MEGF8: variants seen among roughly 807,000 people sequenced by gnomAD.
MEGF8 encodes the protein multiple epidermal growth factor-like domains protein 8.
A neutral mutation model predicts 302.9 loss-of-function variants in MEGF8; 156 were observed. That is an observed-to-expected ratio of 0.52 (90% confidence interval 0.45 to 0.59). MEGF8 has a LOEUF of 0.59. Ranked by LOEUF, MEGF8 falls within the 20% of genes least tolerant of loss-of-function variation. The pLI, the probability that MEGF8 is intolerant of heterozygous loss-of-function variation, is 0.00. For missense variants in MEGF8, 3,345 were observed against 3,964.5 expected (o/e 0.84, Z 4.20); for synonymous variants, 1,621 against 1,660.5 (o/e 0.98, Z 0.58).
chr19:42,332,534 A>G (rs542767093), intron 1 of MEGF8, among the ~76,000 whole-genome samples: 35 of 152,008 alleles, frequency 2.3e-4, no homozygotes, highest in Admixed American at 2.2e-3. Flanking sequence ...TGCCCAGCTA[A>G]TTTTTGTATT....
intron 14 of MEGF8, 131 bp downstream of exon 14, chr19:42,349,830 C>T (rs1426240407): frequency 5.3e-6 from 5 of 950,462 alleles, no homozygotes; most frequent in Non-Finnish European, 7.9e-6. Flanking sequence ...CTCTTGGCCT[C>T]TGAACTCTGG....
chr19:42,375,911 G>C lies in MEGF8; in HGVS notation c.7674G>C (p.Pro2558=), dbSNP rs774279106. 8.1e-6 allele frequency: 13 copies of C among 1,598,800 alleles called. No individual in the cohort carries two copies. The highest frequency in any genetic ancestry group is 1.7e-5 in the Admixed American group (1 of 58,686). Reference sequence around the variant, plus strand: ...GAGGAGCAGGGGCCAGCAGTGGGCCGGGCGCCCCAGCAGAGCCACGGGTAC... The same window carrying C: ...GAGGAGCAGGGGCCAGCAGTGGGCCCGGCGCCCCAGCAGAGCCACGGGTAC... ...DPGGAGASSG[P]GAPAEPRVRE... Residue 2558 remains proline, a synonymous_variant, in exon 42 of 42, where the codon CCG becomes CCC. Coordinates refer to ENST00000251268, the MANE Select transcript of MEGF8 (RefSeq NM_001271938.2). This position sits in a 1 kb window ranked among gnomAD's most constrained non-coding sequence, Gnocchi z 7.1.
Position 42,375,964 on chromosome 19 carries a change from C to G in MEGF8, c.7727C>G (p.Thr2576Ser). 6.2e-7 allele frequency: 1 copy of G among 1,607,018 alleles called. No homozygotes were observed. The highest frequency in any genetic ancestry group is 1.1e-5 in the South Asian group (1 of 90,618). Residue 2576 changes from threonine to serine, a missense_variant, in exon 42 of 42, where the codon ACC becomes AGC. Physicochemically the swap from Thr to Ser is moderately conservative, Grantham distance 58. Coordinates refer to ENST00000251268, the MANE Select transcript of MEGF8 (RefSeq NM_001271938.2). The surrounding 1 kb of genome is among the most constrained non-coding windows in gnomAD (Gnocchi z 7.1). ...GAGGTATGGCCGCGGGGCCTGATTA[C>G]CTACGTGACGGTGACGGAGCCGTCG... Reference protein sequence around the residue: ...VREVWPRGLITYVTVTEPSAV... With the variant: ...VREVWPRGLISYVTVTEPSAV...
Position 42,359,195 on chromosome 19 carries a change from T to C in MEGF8, c.5441T>C (p.Leu1814Pro), listed in dbSNP as rs761740209. Residue 1814 changes from leucine to proline, a missense_variant, in exon 31 of 42, where the codon CTG (leucine) becomes CCG (proline). Physicochemically the swap from Leu to Pro is moderately conservative, Grantham distance 98. Transcript: ENST00000251268. ...CCTGACGAGTTCAGCAGCGACGTTC[T>C]GCTCTACCAGGTCAACTGCAATGCC... Reference protein sequence around the residue: ...SDPDEFSSDVLLYQVNCNAWL... With the variant: ...SDPDEFSSDVPLYQVNCNAWL... The C allele has an allele frequency of 1.9e-6, 3 of 1,602,760 alleles. No homozygotes were observed. In the South Asian group the frequency reaches 3.3e-5, roughly 18 times the overall value.
At position 42,344,372 on chromosome 19, in the gene MEGF8, A is replaced by G; in HGVS notation, c.1789-69A>G. On this transcript the variant is annotated intron_variant, in intron 10 of 41. Transcript: ENST00000251268. This position sits in a 1 kb window ranked among gnomAD's most constrained non-coding sequence, Gnocchi z 4.5. Reference sequence around the variant, plus strand: ...CTTTCCATCGCAGGACCCTGTATCCACAGCCCTTCCTTCCCAGATCTCTTG... The same window carrying G: ...CTTTCCATCGCAGGACCCTGTATCCGCAGCCCTTCCTTCCCAGATCTCTTG... 3 of 1,512,602 alleles carry G rather than the reference A, an allele frequency of 2.0e-6. No individual in the cohort carries two copies. Among genetic ancestry groups the G allele is most frequent in the Non-Finnish European group, 2.6e-6 (3 of 1,136,208 alleles). The allele number at this position is 1,512,602 out of a possible 1,614,324, so 93.7% of individuals were successfully genotyped here. A position where few individuals can be genotyped will look rare whatever the true frequency, so the allele number is the denominator to read the frequency against.
chr19:42,333,854 G>A (rs1221821865), intron 2 of MEGF8, 86 bp downstream of exon 2: 3 of 1,563,618 alleles, frequency 1.9e-6, no homozygotes, highest in South Asian at 2.4e-5. Flanking sequence ...GGGCATCCAA[G>A]AGCAGAGCAC....
intron 1 of MEGF8, among the ~76,000 whole-genome samples, chr19:42,329,346 T>C (rs1245416573): frequency 6.6e-6 from 1 of 152,072 alleles, no homozygotes; most frequent in East Asian, 1.9e-4. Flanking sequence ...CAAGAGAGGA[T>C]GAGTTCCTAA....
Position 42,344,884 on chromosome 19 carries a change from G to A in MEGF8, c.2097+51G>A. Reference sequence around the variant, plus strand: ...GGGGTGTTGATGATCCTGATCCTAGGGTTTGTTTTTTCTCAAATGCATCTT... The same window carrying A: ...GGGGTGTTGATGATCCTGATCCTAGAGTTTGTTTTTTCTCAAATGCATCTT... On this transcript the variant is annotated intron_variant, in intron 12 of 41. Coordinates refer to ENST00000251268, the MANE Select transcript of MEGF8 (RefSeq NM_001271938.2). This position sits in a 1 kb window ranked among gnomAD's most constrained non-coding sequence, Gnocchi z 4.5. 9 of 1,457,852 alleles carry A rather than the reference G, an allele frequency of 6.2e-6. No homozygotes were observed. The highest frequency in any genetic ancestry group is 8.2e-6 in the Non-Finnish European group (9 of 1,098,028). 90.3% of individuals were successfully genotyped at this position (1,457,852 alleles called of 1,614,324 possible). A position where few individuals can be genotyped will look rare whatever the true frequency, so the allele number is the denominator to read the frequency against.
In MEGF8 at chr19:42,375,985, C is replaced by T. The variant is rs1453158410; in HGVS notation, c.7748C>T (p.Pro2583Leu). 9.3e-6 allele frequency: 15 copies of T among 1,606,944 alleles called. No individual in the cohort carries two copies. Among genetic ancestry groups the T allele is most frequent in the African/African-American group, 4.0e-5 (3 of 74,866 alleles). The change falls in exon 42 of 42, where the codon CCG becomes CTG. Residue 2583 changes from proline to leucine, a missense_variant. By Grantham distance (98) the Pro-to-Leu change is moderately conservative (BLOSUM62 -3). Coordinates refer to ENST00000251268, the MANE Select transcript of MEGF8 (RefSeq NM_001271938.2). The surrounding 1 kb of genome is among the most constrained non-coding windows in gnomAD (Gnocchi z 7.1). ...ATTACCTACGTGACGGTGACGGAGC[C>T]GTCGGCAGTGCTGGTGGTCCGCGGC... ...GLITYVTVTE[P>L]SAVLVVRGVR...
intron 5 of MEGF8, among the ~76,000 whole-genome samples, 152 bp from the exon 6 acceptor site, chr19:42,335,769 CTGTCTCTTCT>C (rs1346963076): frequency 6.6e-6 from 1 of 152,130 alleles, no homozygotes; most frequent in Non-Finnish European, 1.5e-5. Context: ...TTCTATGAGT[CTGTCTCTTCT>C]TTTCTCTCTC....
rs1378541832 is a variant in MEGF8, at chr19:42,351,461, C to T, written c.2888C>T (p.Ser963Phe). ...ACCTGTGAGGACTGCCTGGCCAACT[C>T]TAGCCAGTGCGCCTGGTGCCAGTCC... ...RLTCEDCLAN[S>F]SQCAWCQSTH... The change falls in exon 17 of 42, where the codon TCT becomes TTT. Residue 963 changes from serine (S) to phenylalanine (F), a missense_variant. By Grantham distance (155) the Ser-to-Phe change is radical. Transcript: ENST00000251268. This position sits in a 1 kb window ranked among gnomAD's most constrained non-coding sequence, Gnocchi z 5.6. 6.2e-7 allele frequency: 1 copy of T among 1,600,266 alleles called. No individual in the cohort carries two copies. The highest frequency in any genetic ancestry group is 1.7e-5 in the Admixed American group (1 of 58,052).
rs2039135383 is a variant in MEGF8 at position 42,336,858 on chromosome 19, G to A, written c.1296G>A (p.Val432=). 6.2e-7 allele frequency: 1 copy of A among 1,611,904 alleles called. No individual in the cohort carries two copies. The highest frequency in any genetic ancestry group is 2.2e-5 in the East Asian group (1 of 44,870). The change falls in exon 7 of 42, where the codon GTG becomes GTA. Residue 432 remains valine (V), a synonymous_variant. Coordinates refer to ENST00000251268, the MANE Select transcript of MEGF8 (RefSeq NM_001271938.2). This position sits in a 1 kb window ranked among gnomAD's most constrained non-coding sequence, Gnocchi z 4.8. ...AGCTTTTCCACGTGGATCGGCATGT[G>A]TGGACGACGCTGAAGGGGCGGGATG... is the stretch of plus-strand genomic sequence containing the variant. The part of the protein sequence containing the change: ...STELFHVDRH[V]WTTLKGRDGL...
chr19:42,344,723 C>A lies in MEGF8; in HGVS notation c.1987C>A (p.Pro663Thr), dbSNP rs1029699368. The A allele has an allele frequency of 2.5e-6, 4 of 1,610,554 alleles. No homozygotes were observed. The highest frequency in any genetic ancestry group is 8.5e-7 in the Non-Finnish European group (1 of 1,178,144). ...QISGTVGWWG[P>T]APVFVTSLEA... ...CTCAGGCACTGTGGGCTGGTGGGGGCCTGCGCCTGTCTTCGTCACGTCCCT... is the reference window on the plus strand; with the variant it reads ...CTCAGGCACTGTGGGCTGGTGGGGGACTGCGCCTGTCTTCGTCACGTCCCT... The change falls in exon 12 of 42, where the codon CCT becomes ACT. Residue 663 changes from proline to threonine, a missense_variant. By Grantham distance (38) the Pro-to-Thr change is conservative. Transcript: ENST00000251268. This position sits in a 1 kb window ranked among gnomAD's most constrained non-coding sequence, Gnocchi z 4.5.
At chr19:42,333,910 C>G (rs2039087442) in intron 2 of MEGF8, 97 bp from the exon 3 acceptor site, 5 of 1,518,204 alleles carry the variant, frequency 3.3e-6, no homozygotes, top group Non-Finnish European at 4.5e-6. Flanking sequence ...AGATGAGGCT[C>G]TGGGTCCCCC....
At position 42,353,557 on chromosome 19, in the gene MEGF8, G is replaced by A. The variant is rs149613080; in HGVS notation, c.3643G>A (p.Gly1215Arg). 7 of 1,604,468 alleles carry A rather than the reference G, an allele frequency of 4.4e-6. No homozygotes were observed. The highest frequency in any genetic ancestry group is 2.7e-5 in the African/African-American group (2 of 74,802). Reference protein sequence around the residue: ...SRGCRPCQCNGHGDPRRGHCD... With the variant: ...SRGCRPCQCNRHGDPRRGHCD... ...GGGCTGCCGGCCCTGCCAGTGCAAC[G>A]GGCACGGGGACCCACGCCGTGGCCA... is the stretch of plus-strand genomic sequence containing the variant. The change falls in exon 21 of 42, where the codon GGG becomes AGG. Residue 1215 changes from glycine (G) to arginine (R), a missense_variant. Transcript: ENST00000251268. This position sits in a 1 kb window ranked among gnomAD's most constrained non-coding sequence, Gnocchi z 6.1.
rs1345670243 is a variant in MEGF8, at chr19:42,377,670, C to T, written c.*895C>T. ...GGCATGGTGGCACACACTTGTAGTCCGAGCTACTCGGGAGGCTGAGGCAGA... is the reference window on the plus strand; with the variant it reads ...GGCATGGTGGCACACACTTGTAGTCTGAGCTACTCGGGAGGCTGAGGCAGA... On this transcript the variant is annotated 3_prime_UTR_variant, in exon 42 of 42. Transcript: ENST00000251268. 9 of 152,080 alleles carry T rather than the reference C, an allele frequency of 5.9e-5. No homozygotes were observed. The highest frequency in any genetic ancestry group is 1.3e-4 in the Admixed American group (2 of 15,242). The allele number at this position is 152,080 out of a possible 1,614,324, so 9.4% of individuals were successfully genotyped here.
At position 42,349,407 on chromosome 19, in the gene MEGF8, T is replaced by G. The variant is rs1287442904; in HGVS notation, c.2299-92T>G. The G allele has an allele frequency of 3.0e-5, 32 of 1,077,188 alleles. No homozygotes were observed. The African/African-American group carries it at 3.0e-4, about 10-fold the overall frequency. The allele number at this position is 1,077,188 out of a possible 1,614,324, so 66.7% of individuals were successfully genotyped here. On this transcript the variant is annotated intron_variant, in intron 13 of 41. Transcript: ENST00000251268. ...CTGAGGCCCTCTTCTTAGGAGGGGG[T>G]GGGGTACAGGGTGGGTTTGGAGGTA...
chr19:42,376,423 A>T lies in MEGF8; in HGVS notation c.8186A>T (p.Glu2729Val). 6.2e-7 allele frequency: 1 copy of T among 1,612,296 alleles called. No homozygotes were observed. Among genetic ancestry groups the T allele is most frequent in the Middle Eastern group, 1.7e-4 (1 of 6,060 alleles). Residue 2729 changes from glutamate (E) to valine (V), a missense_variant, in exon 42 of 42, where the codon GAG (glutamate) becomes GTG (valine). Glu to Val is a moderately radical substitution (Grantham distance 121). Transcript: ENST00000251268. The surrounding 1 kb of genome is among the most constrained non-coding windows in gnomAD (Gnocchi z 8.2). ...CCACCTCCCGCCTTCCGCCGCTCTG[A>T]GCCCTTCCTGGCACCCCTGCTGCTG... ...GLPPPAFRRSEPFLAPLLLTG... is the reference protein window; with the variant it reads ...GLPPPAFRRSVPFLAPLLLTG...
intron 35 of MEGF8, among the ~76,000 whole-genome samples, chr19:42,366,722 A>G (rs1330616033): frequency 6.6e-6 from 1 of 152,098 alleles, no homozygotes; most frequent in African/African-American, 2.4e-5. Context: ...TTTTCCATGA[A>G]CTCAGGAAAT....
Sources: gnomAD v4.1 joint callset for allele counts (sites outside exome capture counted in the v4.1 genomes callset) on GRCh38, gnomAD v4.1.1 for gene constraint, Gnocchi (gnomAD v3.1) non-coding constraint, MANE v1.5 for transcripts, NCBI Gene and HGNC (gene_info 2026-07-23, HGNC 2026-07-21) for gene names.